Variants in ST8SIA1 observed in about 807,000 individuals in gnomAD.
ST8SIA1 encodes the protein ST8 alpha-N-acetyl-neuraminide alpha-2,8-sialyltransferase 1, also known as alpha-N-acetylneuraminide alpha-2,8-sialyltransferase.
Under a neutral mutation model 35.9 loss-of-function variants are expected in ST8SIA1, and 16 were observed. The ratio of observed to expected loss-of-function variants is 0.45; its 90% CI spans 0.30 to 0.68. The LOEUF is 0.68. ST8SIA1 is among the 30% of genes least tolerant of loss of function. The probability of loss-of-function intolerance (pLI) is 0.09; values close to 1 mark genes in which losing one functional copy is unlikely to be tolerated. For synonymous variants in ST8SIA1, 170 were observed against 169.6 expected, an observed-to-expected ratio of 1.00 and a Z score of -0.02; for missense variants, 383 against 453.6, an observed-to-expected ratio of 0.84 and a Z score of 1.41.
At chr12:22,315,133 A>G (rs933923058) in intron 1 of ST8SIA1, among the ~76,000 whole-genome samples, 8 of 152,254 alleles carry the variant, frequency 5.3e-5, no homozygotes, top group South Asian at 4.2e-4. Flanking sequence ...ATCAGAGACT[A>G]TGCCTTACAC....
intron 1 of ST8SIA1, among the ~76,000 whole-genome samples, chr12:22,331,746 C>T (rs73089241): frequency 0.02 from 3,042 of 152,258 alleles, 44 homozygotes; most frequent in African/African-American, 0.044. Context: ...TGTCTTGTCC[C>T]TGTTCATTAG....
intron 4 of ST8SIA1, among the ~76,000 whole-genome samples, chr12:22,207,683 G>A (rs1261211637): frequency 1.3e-5 from 2 of 151,966 alleles, no homozygotes; most frequent in South Asian, 2.1e-4. Flanking sequence ...TATTGACCAA[G>A]TTCACAAGAC....
chr12:22,274,082 A>T (rs1221564300), intron 2 of ST8SIA1, among the ~76,000 whole-genome samples: 1 of 152,246 alleles, frequency 6.6e-6, no homozygotes, highest in Non-Finnish European at 1.5e-5. Flanking sequence ...GAAAACCTCT[A>T]CAGAAGAAGA....
chr12:22,330,232 T>C, intron 1 of ST8SIA1, among the ~76,000 whole-genome samples: 1 of 152,196 alleles, frequency 6.6e-6, no homozygotes, highest in Non-Finnish European at 1.5e-5. Context: ...CTCCCTTCAG[T>C]AGAATTAAAT....
intron 4 of ST8SIA1, among the ~76,000 whole-genome samples, chr12:22,243,483 T>G (rs1049343715): frequency 6.6e-6 from 1 of 152,234 alleles, no homozygotes; most frequent in African/African-American, 2.4e-5. Context: ...TCATCTATAT[T>G]TTAATCCCTA....
chr12:22,263,775 A>G (rs1266001568), intron 2 of ST8SIA1, among the ~76,000 whole-genome samples: 4 of 152,288 alleles, frequency 2.6e-5, no homozygotes, highest in Non-Finnish European at 4.4e-5. Context: ...CCAGACACTC[A>G]GTATTTAGAA....
chr12:22,292,010 G>A (rs1396519279), intron 1 of ST8SIA1, among the ~76,000 whole-genome samples: 1 of 151,938 alleles, frequency 6.6e-6, no homozygotes, highest in African/African-American at 2.4e-5. Context: ...AATAAGTCAG[G>A]TCTTCATAGA....
intron 1 of ST8SIA1, among the ~76,000 whole-genome samples, chr12:22,300,448 C>T (rs1410161692): frequency 1.3e-5 from 2 of 152,076 alleles, no homozygotes; most frequent in Non-Finnish European, 2.9e-5. Context: ...AACATATGGG[C>T]CCCTGTATCA....
Position 22,195,205 on chromosome 12 carries a change from A to AAAAAAAAAAAAAAG in ST8SIA1, c.*6346_*6347insCTTTTTTTTTTTTT. 7.5e-6 allele frequency: 1 copy of AAAAAAAAAAAAAAG among 134,222 alleles called. No homozygotes were observed. The highest frequency in any genetic ancestry group is 1.6e-5 in the Non-Finnish European group (1 of 63,346). 8.3% of individuals were successfully genotyped at this position (134,222 alleles called of 1,614,324 possible). On this transcript the variant is annotated 3_prime_UTR_variant, in exon 5 of 5. Coordinates refer to ENST00000396037, the MANE Select transcript of ST8SIA1 (RefSeq NM_003034.4). Reference sequence around the variant, plus strand: ...TGTCTCAACAAAAAAAAAAAAAAAAAAAAAAAAGAAAGAAAGAAAGAAAGG... The same window carrying AAAAAAAAAAAAAAG: ...TGTCTCAACAAAAAAAAAAAAAAAAAAAAAAAAAAAAAAGAAAAAAAGAAAGAAAGAAAGAAAGG...
chr12:22,319,128 A>G (rs1866552726), intron 1 of ST8SIA1, among the ~76,000 whole-genome samples: 1 of 152,196 alleles, frequency 6.6e-6, no homozygotes, highest in Admixed American at 6.5e-5. Flanking sequence ...AAGTATAATA[A>G]TATCTTCTTC....
intron 2 of ST8SIA1, among the ~76,000 whole-genome samples, chr12:22,275,793 C>T (rs1220880054): frequency 6.6e-6 from 1 of 152,202 alleles, no homozygotes; most frequent in Non-Finnish European, 1.5e-5. Flanking sequence ...GGGCTCAGTG[C>T]CCAAGGCCCT....
intron 4 of ST8SIA1, among the ~76,000 whole-genome samples, chr12:22,215,493 A>C (rs948136056): frequency 6.6e-6 from 1 of 152,228 alleles, no homozygotes; most frequent in Admixed American, 6.5e-5. Flanking sequence ...AGCTATGAAG[A>C]GAATAAAGTG....
chr12:22,248,936 C>T, intron 4 of ST8SIA1, 70 bp downstream of exon 4: 3 of 1,162,196 alleles, frequency 2.6e-6, no homozygotes, highest in Non-Finnish European at 3.8e-6. Context: ...ATGCTCACTG[C>T]CTTTGAAATG....
At chr12:22,287,826 G>C (rs1866121297) in intron 1 of ST8SIA1, among the ~76,000 whole-genome samples, 1 of 152,190 alleles carries the variant, frequency 6.6e-6, no homozygotes, top group Admixed American at 6.5e-5. Context: ...ACAATCCCTT[G>C]AAAATCTTTT....
intron 1 of ST8SIA1, among the ~76,000 whole-genome samples, chr12:22,316,823 GAA>G (rs1866527152): frequency 6.6e-6 from 1 of 152,030 alleles, no homozygotes; most frequent in East Asian, 1.9e-4. Flanking sequence ...CCCCTCGCAG[GAA>G]AAGAGAGCTG....
At chr12:22,256,114 G>A (rs924729468) in intron 2 of ST8SIA1, among the ~76,000 whole-genome samples, 4 of 152,194 alleles carry the variant, frequency 2.6e-5, no homozygotes, top group African/African-American at 9.6e-5. Context: ...ACAGAAAGCA[G>A]CGTAAACAAC....
At chr12:22,301,400 C>T (rs1866317206) in intron 1 of ST8SIA1, among the ~76,000 whole-genome samples, 1 of 148,992 alleles carries the variant, frequency 6.7e-6, no homozygotes, top group South Asian at 2.2e-4. Context: ...GTTGCTGATC[C>T]TTTGTTTTGT....
chr12:22,199,527 A>G lies in ST8SIA1; in HGVS notation c.*2025T>C, dbSNP rs950742294. The G allele has an allele frequency of 1.3e-5, 2 of 152,174 alleles. No homozygotes were observed. The highest frequency in any genetic ancestry group is 4.8e-5 in the African/African-American group (2 of 41,460). 9.4% of individuals were successfully genotyped at this position (152,174 alleles called of 1,614,324 possible). ...ATTTAACACAATTTCTTCATGGTAC[A>G]TTCTCATTATGTTTTTGCTGCCGTA... On this transcript the variant is annotated 3_prime_UTR_variant, in exon 5 of 5. Coordinates refer to ENST00000396037, the MANE Select transcript of ST8SIA1 (RefSeq NM_003034.4).
At chr12:22,290,880 A>G (rs888242975) in intron 1 of ST8SIA1, among the ~76,000 whole-genome samples, 4 of 152,226 alleles carry the variant, frequency 2.6e-5, no homozygotes, top group African/African-American at 7.2e-5. Flanking sequence ...AGACAATAAA[A>G]TAAGAGGATC....
Sources: allele counts gnomAD v4.1 joint callset (sites outside exome capture counted in the v4.1 genomes callset), GRCh38; gene constraint gnomAD v4.1.1; transcripts MANE v1.5; gene names NCBI Gene and HGNC (gene_info 2026-07-23, HGNC 2026-07-21).